ATP8A2: variants seen among roughly 807,000 people sequenced by gnomAD.
The protein encoded by ATP8A2 is ATPase phospholipid transporting 8A2.
Under a neutral mutation model 165.6 loss-of-function variants are expected in ATP8A2, and 100 were observed. That is an observed-to-expected ratio of 0.60 (90% CI 0.51 to 0.71). The LOEUF (loss-of-function observed/expected upper bound fraction) is 0.71, where lower values mean the gene tolerates loss of function less well. Among genes scored for constraint, ATP8A2 ranks in the 30% least tolerant of loss-of-function variants. The probability of loss-of-function intolerance (pLI) is 0.00; values close to 1 mark genes in which losing one functional copy is unlikely to be tolerated. For missense variants in ATP8A2, 1,227 were observed against 1,479.5 expected (o/e 0.83, Z 2.80); for synonymous variants, 543 against 548.8 (o/e 0.99, Z 0.15).
intron 27 of ATP8A2, among the ~76,000 whole-genome samples, chr13:25,807,329 C>T (rs1001962264): frequency 2.0e-5 from 3 of 152,076 alleles, no homozygotes; most frequent in East Asian, 3.9e-4. Flanking sequence ...CTTAAACTTA[C>T]GACTGTTATT....
chr13:25,596,383 C>A (rs2040236785), intron 24 of ATP8A2, among the ~76,000 whole-genome samples: 1 of 152,154 alleles, frequency 6.6e-6, no homozygotes, highest in African/African-American at 2.4e-5. Context: ...TGTATATAAG[C>A]ATGTAATCAC....
rs939038952 is a variant in ATP8A2 at position 26,012,597 on chromosome 13, C to G, written c.3444C>G (p.Gly1148=). 2 of 1,509,732 alleles carry G rather than the reference C, an allele frequency of 1.3e-6. No homozygotes were observed. Among genetic ancestry groups the G allele is most frequent in the Middle Eastern group, 1.7e-4 (1 of 5,840 alleles). 93.5% of individuals were successfully genotyped at this position (1,509,732 alleles called of 1,614,324 possible). Residue 1148 remains glycine, a synonymous_variant, in exon 36 of 37, where the codon GGC becomes GGG. Coordinates refer to ENST00000381655, the MANE Select transcript of ATP8A2 (RefSeq NM_016529.6). The part of the protein sequence containing the change: ...GRKTPPTLFR[G]SSLQQGVPHG... Reference sequence around the variant, plus strand: ...AGACGCCCCCGACGCTGTTCCGGGGCAGCTCCCTGCAGCAGGGCGTCCCGC... The same window carrying G: ...AGACGCCCCCGACGCTGTTCCGGGGGAGCTCCCTGCAGCAGGGCGTCCCGC...
intron 1 of ATP8A2, 31 bp from the exon 2 acceptor site, chr13:25,468,946 C>T: frequency 1.2e-6 from 2 of 1,611,610 alleles, no homozygotes; most frequent in Non-Finnish European, 1.7e-6. Context: ...TTCTTTGTGT[C>T]GTATTCTCTG....
rs117323986 is a variant in ATP8A2 at position 25,605,718 on chromosome 13, C to A, written c.2211+16019C>A. On this transcript the variant is annotated intron_variant, in intron 24 of 36. Transcript: ENST00000381655. ...CTCTAGATCAACTAATATGTAGCTGCAGCTCGGTTTTAGAGAACTATGTAG... is the reference window on the plus strand; with the variant it reads ...CTCTAGATCAACTAATATGTAGCTGAAGCTCGGTTTTAGAGAACTATGTAG... Among the ~76,000 whole-genome samples, 451 of 152,302 alleles carry A rather than the reference C, an allele frequency of 3.0e-3. 2 individuals carry two copies. Among genetic ancestry groups the A allele is most frequent in the Non-Finnish European group, 5.1e-3 (350 of 68,000 alleles).
chr13:25,843,915 G>T lies in ATP8A2; in HGVS notation c.2956+4291G>T, dbSNP rs985894. Among the ~76,000 whole-genome samples, 885 of 152,272 alleles carry T rather than the reference G, an allele frequency of 5.8e-3. 7 individuals are homozygous for T. The highest frequency in any genetic ancestry group is 0.02 in the African/African-American group (825 of 41,544). On this transcript the variant is annotated intron_variant, in intron 30 of 36. Coordinates refer to ENST00000381655, the MANE Select transcript of ATP8A2 (RefSeq NM_016529.6). Reference sequence around the variant, plus strand: ...ATCACTAACACCTGGCGGAGGGGGGGACTTTTTCTCAGGGCAGGGTTGGAG... The same window carrying T: ...ATCACTAACACCTGGCGGAGGGGGGTACTTTTTCTCAGGGCAGGGTTGGAG...
intron 33 of ATP8A2, among the ~76,000 whole-genome samples, chr13:25,957,541 A>T (rs892238553): frequency 6.6e-6 from 1 of 152,256 alleles, no homozygotes; most frequent in Non-Finnish European, 1.5e-5. Flanking sequence ...TCATTAGAGA[A>T]ATGCAAGTCA....
chr13:25,474,453 T>C (rs1455288644), intron 2 of ATP8A2, among the ~76,000 whole-genome samples: 1 of 151,486 alleles, frequency 6.6e-6, no homozygotes, highest in Non-Finnish European at 1.5e-5. Context: ...TCCCAGCTAC[T>C]CGGGAGGTTG....
intron 2 of ATP8A2, among the ~76,000 whole-genome samples, chr13:25,507,603 G>C (rs748541580): frequency 1.3e-5 from 2 of 152,042 alleles, no homozygotes; most frequent in Non-Finnish European, 2.9e-5. Flanking sequence ...CTATGTGTCA[G>C]GATGAAGACA....
At chr13:25,664,824 T>A (rs2042117791) in intron 24 of ATP8A2, among the ~76,000 whole-genome samples, 1 of 152,068 alleles carries the variant, frequency 6.6e-6, no homozygotes, top group South Asian at 2.1e-4. Flanking sequence ...ACCATATACC[T>A]TTTTCCTTGC....
chr13:25,695,960 C>T (rs1243724378), intron 24 of ATP8A2, among the ~76,000 whole-genome samples: 2 of 152,186 alleles, frequency 1.3e-5, no homozygotes, highest in African/African-American at 4.8e-5. Context: ...TGCCCAGACC[C>T]ATCAGAGGAA....
Position 25,892,478 on chromosome 13 carries a change from G to GTCTCTCTCTCTCTCTCTCTC in ATP8A2, c.3183+30077_3183+30096dup, listed in dbSNP as rs144283908. ...CATTTCTCTCTCTCTCTGTCTCTCTGTCTCTCTCTCTCTCTCTCTCTCTCT... is the reference window on the plus strand; with the variant it reads ...CATTTCTCTCTCTCTCTGTCTCTCTGTCTCTCTCTCTCTCTCTCTCTCTCTCTCTCTCTCTCTCTCTCTCT... On this transcript the variant is annotated intron_variant, in intron 33 of 36. Coordinates refer to ENST00000381655, the MANE Select transcript of ATP8A2 (RefSeq NM_016529.6). Among the ~76,000 whole-genome samples, 564 of 136,214 alleles carry GTCTCTCTCTCTCTCTCTCTC rather than the reference G, an allele frequency of 4.1e-3. 28 individuals are homozygous for GTCTCTCTCTCTCTCTCTCTC. Among genetic ancestry groups the GTCTCTCTCTCTCTCTCTCTC allele is most frequent in the African/African-American group, 0.012 (419 of 33,838 alleles). The allele number at this position is 136,214 out of a possible 152,430, so 89.4% of individuals were successfully genotyped here. A position where few individuals can be genotyped will look rare whatever the true frequency, so the allele number is the denominator to read the frequency against.
intron 24 of ATP8A2, among the ~76,000 whole-genome samples, chr13:25,688,951 TC>T (rs1188553075): frequency 2.0e-5 from 3 of 152,260 alleles, no homozygotes; most frequent in Non-Finnish European, 4.4e-5. Context: ...TAAATGATCT[TC>T]CTTCACTATT....
chr13:25,936,875 C>T (rs1017542752), intron 33 of ATP8A2, among the ~76,000 whole-genome samples: 15 of 152,174 alleles, frequency 9.9e-5, no homozygotes, highest in African/African-American at 3.4e-4. Flanking sequence ...AGGTCTGAGG[C>T]GTGGAACTCT....
rs993368949 is a variant in ATP8A2, at chr13:26,023,637, A to G, written c.*3652A>G. 1 of 152,234 alleles carries G rather than the reference A, an allele frequency of 6.6e-6. No individual in the cohort carries two copies. Among genetic ancestry groups the G allele is most frequent in the Non-Finnish European group, 1.5e-5 (1 of 68,042 alleles). 9.4% of individuals were successfully genotyped at this position (152,234 alleles called of 1,614,324 possible). A position where few individuals can be genotyped will look rare whatever the true frequency, so the allele number is the denominator to read the frequency against. ...ACCTTTAATCTTGTCATTTGGAACC[A>G]TAAAGCATTTTTATCAGGTACCTCT... On this transcript the variant is annotated 3_prime_UTR_variant, in exon 37 of 37. Coordinates refer to ENST00000381655, the MANE Select transcript of ATP8A2 (RefSeq NM_016529.6).
Position 25,738,349 on chromosome 13 carries a change from C to T in ATP8A2, c.2385-30697C>T, listed in dbSNP as rs143533600. ...TCTTTTTGTGCCCCCCTCCCCCCCC[C>T]CCACACACACTTCTTCTGGTAGTTG... On this transcript the variant is annotated intron_variant, in intron 25 of 36. Transcript: ENST00000381655. 1.9e-4 allele frequency among the ~76,000 whole-genome samples: 19 copies of T among 101,734 alleles called. 1 individual carries two copies. The highest frequency in any genetic ancestry group is 6.3e-4 in the Admixed American group (6 of 9,542). The allele number at this position is 101,734 out of a possible 152,430, so 66.7% of individuals were successfully genotyped here.
intron 27 of ATP8A2, among the ~76,000 whole-genome samples, chr13:25,806,563 C>G (rs1031688303): frequency 3.9e-5 from 6 of 151,952 alleles, no homozygotes; most frequent in African/African-American, 1.5e-4. Context: ...ACAAAAATAA[C>G]ATAAAGCAAG....
intron 18 of ATP8A2, among the ~76,000 whole-genome samples, chr13:25,573,826 A>C (rs1012688442): frequency 6.6e-6 from 1 of 152,162 alleles, no homozygotes; most frequent in Non-Finnish European, 1.5e-5. Flanking sequence ...AAGATTGATG[A>C]AGGCTGGATG....
In ATP8A2 at chr13:25,989,566, T is replaced by C. The variant is rs191878174; in HGVS notation, c.3377+20887T>C. Reference sequence around the variant, plus strand: ...TATTGTACATGATAAAGCTACCAACTTTGGGAAATTATATTCCAGCCCAAA... The same window carrying C: ...TATTGTACATGATAAAGCTACCAACCTTGGGAAATTATATTCCAGCCCAAA... On this transcript the variant is annotated intron_variant, in intron 35 of 36. Transcript: ENST00000381655. Among the ~76,000 whole-genome samples, 972 of 152,364 alleles carry C rather than the reference T, an allele frequency of 6.4e-3. 5 individuals are homozygous for C. The highest frequency in any genetic ancestry group is 0.027 in the Middle Eastern group (8 of 294).
At chr13:25,468,373 A>C (rs1445006014) in intron 1 of ATP8A2, among the ~76,000 whole-genome samples, 2 of 152,212 alleles carry the variant, frequency 1.3e-5, no homozygotes, top group Non-Finnish European at 2.9e-5. Context: ...GATCCCTTGC[A>C]GACAATGGTG....
Sources: gnomAD v4.1 joint callset for allele counts (sites outside exome capture counted in the v4.1 genomes callset) on GRCh38, gnomAD v4.1.1 for gene constraint, MANE v1.5 for transcripts, NCBI Gene and HGNC (gene_info 2026-07-23, HGNC 2026-07-21) for gene names.